The following BCL6 variants were observed in gnomAD, a reference collection of about 807,000 sequenced individuals.
BCL6 encodes the protein B-cell lymphoma 6 protein.
Under a neutral mutation model 59.5 loss-of-function variants are expected in BCL6, and 7 were observed. The observed-to-expected ratio is 0.12, with a 90% CI of 0.07 to 0.22. The LOEUF (loss-of-function observed/expected upper bound fraction) is 0.22, where lower values mean the gene tolerates loss of function less well. Ranked by LOEUF, BCL6 falls within the 10% of genes least tolerant of loss-of-function variation. The probability of loss-of-function intolerance (pLI) is 1.00; values close to 1 mark genes in which losing one functional copy is unlikely to be tolerated. For missense variants in BCL6, 685 were observed against 939.4 expected, an observed-to-expected ratio of 0.73 and a Z score of 3.54; for synonymous variants, 339 against 349.7, an observed-to-expected ratio of 0.97 and a Z score of 0.34.
chr3:187,724,105 T>C (rs1718552073), intron 9 of BCL6, among the ~76,000 whole-genome samples: 1 of 152,186 alleles, frequency 6.6e-6, no homozygotes, highest in Non-Finnish European at 1.5e-5. Context: ...ACCTCCGGTA[T>C]GTAGGTTAAC....
chr3:187,744,448 A>T (rs1711780490), intron 1 of BCL6, among the ~76,000 whole-genome samples: 1 of 151,978 alleles, frequency 6.6e-6, no homozygotes, highest in Admixed American at 6.5e-5. Flanking sequence ...AGTGTTCAAC[A>T]TCCCCGCCCC....
intron 1 of BCL6, among the ~76,000 whole-genome samples, chr3:187,743,969 G>A (rs1327441098): frequency 3.3e-5 from 5 of 152,106 alleles, no homozygotes; most frequent in African/African-American, 7.2e-5. Flanking sequence ...CGGCCACAAA[G>A]TGCCCTTCTC....
chr3:187,745,231 T>C (rs559793096), intron 1 of BCL6, among the ~76,000 whole-genome samples, 179 bp downstream of exon 1: 5 of 152,134 alleles, frequency 3.3e-5, no homozygotes, highest in East Asian at 1.9e-4. Flanking sequence ...AATATATACA[T>C]TTATATCAAT....
At chr3:187,744,930 T>C (rs1711842340) in intron 1 of BCL6, among the ~76,000 whole-genome samples, 1 of 152,096 alleles carries the variant, frequency 6.6e-6, no homozygotes, top group African/African-American at 2.4e-5. Flanking sequence ...GCGCGCGTCC[T>C]CTCCGCGGTC....
chr3:187,732,048 T>A (rs1356547344), intron 3 of BCL6, 118 bp from the exon 4 acceptor site: 2 of 784,696 alleles, frequency 2.5e-6, no homozygotes, highest in African/African-American at 3.5e-5. Context: ...CTACGGTAAT[T>A]AATAATAGCT....
intron 1 of BCL6, chr3:187,737,387 G>GAGAGAGAGAGAGAA (rs1719339223): frequency 6.8e-6 from 1 of 146,362 alleles, no homozygotes; most frequent in African/African-American, 2.5e-5. Context: ...GAGAGAGAGA[G>GAGAGAGAGAGAGAA]AGAGAGAGAA....
rs377286077 is a variant in BCL6, at chr3:187,725,298, C to T, written c.1839+201G>A. 2.0e-5 allele frequency among the ~76,000 whole-genome samples: 3 copies of T among 151,538 alleles called. No individual in the cohort carries two copies. The highest frequency in any genetic ancestry group is 2.0e-4 in the East Asian group (1 of 5,120). On this transcript the variant is annotated intron_variant, in intron 8 of 9. Coordinates refer to ENST00000406870, the MANE Select transcript of BCL6 (RefSeq NM_001706.5). The surrounding 1 kb of genome is among the most constrained non-coding windows in gnomAD (Gnocchi z 4.7). ...CACCTACCCGCTCTGCTCACCTGCC[C>T]GCTCTGCTCACCTGCCCGCTCTGCT...
Position 187,728,355 on chromosome 3 carries a change from C to T in BCL6, c.1540+5G>A, listed in dbSNP as rs1560149233. On this transcript the variant is annotated splice_donor_5th_base_variant and intron_variant, in intron 6 of 9. Coordinates refer to ENST00000406870, the MANE Select transcript of BCL6 (RefSeq NM_001706.5). ...TGACAAGAGGAGGGAGGGAAAAGGA[C>T]TCACCACAGCTAGAATCTGAGTACT... 1.3e-6 allele frequency: 2 copies of T among 1,579,170 alleles called. No individual in the cohort carries two copies. Among genetic ancestry groups the T allele is most frequent in the Non-Finnish European group, 1.7e-6 (2 of 1,161,130 alleles).
intron 1 of BCL6, among the ~76,000 whole-genome samples, chr3:187,742,742 A>G (rs1711653914): frequency 6.6e-6 from 1 of 152,156 alleles, no homozygotes; most frequent in Admixed American, 6.5e-5. Flanking sequence ...GAGTAAGGGA[A>G]TGCCCATCTC....
At chr3:187,743,889 G>A (rs2108482513) in intron 1 of BCL6, among the ~76,000 whole-genome samples, 1 of 152,174 alleles carries the variant, frequency 6.6e-6, no homozygotes, top group South Asian at 2.1e-4. Flanking sequence ...ATCTATTTTT[G>A]CAAAATCACT....
At chr3:187,745,234 A>T in intron 1 of BCL6, among the ~76,000 whole-genome samples, 176 bp downstream of exon 1, 1 of 152,314 alleles carries the variant, frequency 6.6e-6, no homozygotes, top group Admixed American at 6.5e-5. Context: ...ATATACATTT[A>T]TATCAATAGA....
rs770894576 is a variant in BCL6 at position 187,731,692 on chromosome 3, C to G, written c.383+17G>C. The G allele has an allele frequency of 4.3e-6, 7 of 1,612,386 alleles. No homozygotes were observed. The Admixed American group carries it at 1.0e-4, about 23-fold the overall frequency. On this transcript the variant is annotated intron_variant, in intron 4 of 9. Transcript: ENST00000406870. Reference sequence around the variant, plus strand: ...ATCTCTTCCATCTCCGACGCTTCCACCCGGGTAGCAACTCACCTGGCCTTA... The same window carrying G: ...ATCTCTTCCATCTCCGACGCTTCCAGCCGGGTAGCAACTCACCTGGCCTTA...
Position 187,729,536 on chromosome 3 carries a change from T to C in BCL6, c.869A>G (p.Asn290Ser). Residue 290 changes from asparagine (N) to serine (S), a missense_variant, in exon 5 of 10, where the codon AAT (asparagine) becomes AGT (serine). Transcript: ENST00000406870. The surrounding 1 kb of genome is among the most constrained non-coding windows in gnomAD (Gnocchi z 5.6). ...GLKPAAPSAR[N>S]APYFPCDKAS... The stretch of plus-strand genomic sequence containing the variant: ...CTTGTCACAAGGGAAGTAGGGGGCA[T>C]TTCGGGCTGAGGGGGCAGCAGGTTT... 6.2e-7 allele frequency: 1 copy of C among 1,613,886 alleles called. No homozygotes were observed. The highest frequency in any genetic ancestry group is 1.1e-5 in the South Asian group (1 of 91,084).
rs1444039618 is a variant in BCL6, at chr3:187,728,486, G to T, written c.1414C>A (p.Pro472Thr). The change falls in exon 6 of 10, where the codon CCC (proline) becomes ACC (threonine). Residue 472 changes from proline (P) to threonine (T), a missense_variant. Coordinates refer to ENST00000406870, the MANE Select transcript of BCL6 (RefSeq NM_001706.5). ...GAGCCGCAGGACGTGCACTTCGGGG[G>T]GTGCATGTAGAGTGGTGAGTGGCTC... ...SESHSPLYMH[P>T]PKCTSCGSQS... 2 of 1,611,728 alleles carry T rather than the reference G, an allele frequency of 1.2e-6. No homozygotes were observed. Among genetic ancestry groups the T allele is most frequent in the South Asian group, 1.1e-5 (1 of 90,912 alleles).
At chr3:187,732,080 A>T in intron 3 of BCL6, 150 bp from the exon 4 acceptor site, 3 of 698,872 alleles carry the variant, frequency 4.3e-6, no homozygotes, top group Non-Finnish European at 7.3e-6. Context: ...AGAGCTTACC[A>T]AATGTCAGGA....
At chr3:187,742,245 A>G (rs749009850) in intron 1 of BCL6, among the ~76,000 whole-genome samples, 33 of 152,158 alleles carry the variant, frequency 2.2e-4, no homozygotes, top group Non-Finnish European at 3.7e-4. Context: ...TTTTCACAAC[A>G]AAGTGGGTTG....
chr3:187,729,573 C>A lies in BCL6; in HGVS notation c.832G>T (p.Ala278Ser). The change falls in exon 5 of 10, where the codon GCT (alanine) becomes TCT (serine). Residue 278 changes from alanine to serine, a missense_variant. Transcript: ENST00000406870. This position sits in a 1 kb window ranked among gnomAD's most constrained non-coding sequence, Gnocchi z 5.6. ...GGGGCAGCAGGTTTGAGGCCCTCAG[C>A]CACACTGTAGTGCATATCACTTCGT... is the stretch of plus-strand genomic sequence containing the variant. ...EARSDMHYSVAEGLKPAAPSA... is the reference protein window; with the variant it reads ...EARSDMHYSVSEGLKPAAPSA... 6.2e-7 allele frequency: 1 copy of A among 1,614,102 alleles called. No individual in the cohort carries two copies. The highest frequency in any genetic ancestry group is 8.5e-7 in the Non-Finnish European group (1 of 1,180,044).
chr3:187,725,697 C>T lies in BCL6; in HGVS notation c.1709-68G>A. 6.3e-7 allele frequency: 1 copy of T among 1,587,716 alleles called. No individual in the cohort carries two copies. ...AGGAAGGTCTCTGCAGTCCGTGGCT[C>T]CTGGATTTCTAAGCAGCCTGCTCCT... On this transcript the variant is annotated intron_variant, in intron 7 of 9. Transcript: ENST00000406870. This position sits in a 1 kb window ranked among gnomAD's most constrained non-coding sequence, Gnocchi z 4.7.
At position 187,725,765 on chromosome 3, in the gene BCL6, G is replaced by A. The variant is rs535111539; in HGVS notation, c.1709-136C>T. The A allele has an allele frequency of 4.4e-6, 5 of 1,138,542 alleles. No individual in the cohort carries two copies. The African/African-American group carries it at 7.8e-5, about 18-fold the overall frequency. The allele number at this position is 1,138,542 out of a possible 1,614,324, so 70.5% of individuals were successfully genotyped here. On this transcript the variant is annotated intron_variant, in intron 7 of 9. Coordinates refer to ENST00000406870, the MANE Select transcript of BCL6 (RefSeq NM_001706.5). This position sits in a 1 kb window ranked among gnomAD's most constrained non-coding sequence, Gnocchi z 4.7. ...TTTTCCTTTCCCTTAGGGAATGTGA[G>A]AGAGAGAATCCAGGGGCCTGCCCCC...
Sources: gnomAD v4.1 joint callset for allele counts (sites outside exome capture counted in the v4.1 genomes callset) on GRCh38, gnomAD v4.1.1 for gene constraint, Gnocchi (gnomAD v3.1) non-coding constraint, MANE v1.5 for transcripts, NCBI Gene and HGNC (gene_info 2026-07-23, HGNC 2026-07-21) for gene names.